KCNH1: variants seen among roughly 807,000 people sequenced by gnomAD.
The protein encoded by KCNH1 is voltage-gated delayed rectifier potassium channel KCNH1.
KCNH1 carries 27 observed loss-of-function variants against 69.2 expected under a neutral mutation model. The observed-to-expected ratio is 0.39, with a 90% confidence interval of 0.29 to 0.54. KCNH1 has a LOEUF of 0.54. KCNH1 is among the 20% of genes least tolerant of loss of function. The pLI is 0.68. For synonymous variants in KCNH1, 456 were observed against 487.7 expected, an observed-to-expected ratio of 0.93 and a Z score of 0.86; for missense variants, 798 against 1,261.6, an observed-to-expected ratio of 0.63 and a Z score of 5.57.
At chr1:210,870,010 A>C (rs552026896) in intron 7 of KCNH1, among the ~76,000 whole-genome samples, 1 of 152,234 alleles carries the variant, frequency 6.6e-6, no homozygotes, top group South Asian at 2.1e-4. Flanking sequence ...TTGTCTTCTC[A>C]ACTCTGTGAT....
At chr1:211,023,250 A>G (rs903841035) in intron 5 of KCNH1, among the ~76,000 whole-genome samples, 1 of 151,874 alleles carries the variant, frequency 6.6e-6, no homozygotes, top group African/African-American at 2.4e-5. Flanking sequence ...TATGCAAAAC[A>G]TATTGAGTTT....
chr1:210,866,845 A>G (rs545286661), intron 7 of KCNH1, among the ~76,000 whole-genome samples: 13 of 152,236 alleles, frequency 8.5e-5, no homozygotes, highest in Non-Finnish European at 1.9e-4. Context: ...AATGGCCAAA[A>G]ATGTGAAAAC....
intron 6 of KCNH1, among the ~76,000 whole-genome samples, chr1:210,964,208 A>G (rs879330089): frequency 1.3e-5 from 2 of 152,188 alleles, no homozygotes; most frequent in African/African-American, 4.8e-5. Context: ...AGGAAGGAGG[A>G]ATAAAATCCT....
rs2149001148 is a variant in KCNH1, at chr1:210,683,971, G to A, written c.2280C>T (p.Asp760=). The change falls in exon 11 of 11, where the codon GAC becomes GAT. Residue 760 remains aspartate (D), a synonymous_variant. Coordinates refer to ENST00000271751, the MANE Select transcript of KCNH1 (RefSeq NM_172362.3). This position sits in a 1 kb window ranked among gnomAD's most constrained non-coding sequence, Gnocchi z 5.7. ...ARLAAERGGR[D]LDDLDVEKGN... ...CCTTCTCCACATCTAGGTCATCCAGGTCCCGGCCCCCTCTCTCAGCTGCCA... is the reference window on the plus strand; with the variant it reads ...CCTTCTCCACATCTAGGTCATCCAGATCCCGGCCCCCTCTCTCAGCTGCCA... The A allele has an allele frequency of 1.2e-6, 2 of 1,601,340 alleles. No individual in the cohort carries two copies. Among genetic ancestry groups the A allele is most frequent in the Non-Finnish European group, 1.7e-6 (2 of 1,170,174 alleles).
intron 8 of KCNH1, 34 bp from the exon 9 acceptor site, chr1:210,797,794 C>T: frequency 6.3e-7 from 1 of 1,591,408 alleles, no homozygotes; most frequent in Non-Finnish European, 8.6e-7. Context: ...GTGTGAGGGT[C>T]CTCACTGTGG....
intron 1 of KCNH1, among the ~76,000 whole-genome samples, chr1:211,127,527 A>T (rs1372873176): frequency 6.6e-6 from 1 of 152,018 alleles, no homozygotes; most frequent in Non-Finnish European, 1.5e-5. Flanking sequence ...TGTGTGAGGG[A>T]GCTCCTCAGA....
chr1:210,919,531 T>C lies in KCNH1; in HGVS notation c.1462+109A>G. ...GTAAGCCTAGTCTTAAAAAAACTCT[T>C]CCTTGTTTTAAGTTATTATTCTCCT... On this transcript the variant is annotated intron_variant, in intron 7 of 10. Transcript: ENST00000271751. The surrounding 1 kb of genome is among the most constrained non-coding windows in gnomAD (Gnocchi z 4.2). The C allele has an allele frequency of 9.2e-7, 1 of 1,082,104 alleles. No individual in the cohort carries two copies. The highest frequency in any genetic ancestry group is 1.4e-6 in the Non-Finnish European group (1 of 740,540). 67.0% of individuals were successfully genotyped at this position (1,082,104 alleles called of 1,614,324 possible). A position where few individuals can be genotyped will look rare whatever the true frequency, so the allele number is the denominator to read the frequency against.
intron 6 of KCNH1, among the ~76,000 whole-genome samples, chr1:210,961,131 C>G (rs1193973692): frequency 1.3e-5 from 2 of 152,108 alleles, no homozygotes; most frequent in African/African-American, 4.8e-5. Context: ...TTCATATCTG[C>G]TTTGATGAAA....
intron 5 of KCNH1, among the ~76,000 whole-genome samples, chr1:211,065,009 A>G (rs1042881615): frequency 6.6e-6 from 1 of 152,226 alleles, no homozygotes; most frequent in Non-Finnish European, 1.5e-5. Context: ...ACGTGGAGAA[A>G]ATGAAGCCTT....
At chr1:210,813,667 A>G (rs10465689) in intron 7 of KCNH1, among the ~76,000 whole-genome samples, 21,530 of 152,240 alleles carry the variant, frequency 0.14, 1,535 homozygotes, top group Non-Finnish European at 0.15. Context: ...CTGGCAACTA[A>G]CTTTTAAATT....
intron 7 of KCNH1, chr1:210,862,208 G>A (rs1208003760): frequency 1.6e-5 from 19 of 1,212,842 alleles, no homozygotes; most frequent in Admixed American, 5.1e-5. Context: ...GCTTCATTGA[G>A]CTGGCGCTCC....
At chr1:210,761,327 GACTAGTCAACTAGTTGTTGGCA>G (rs893275556) in intron 10 of KCNH1, among the ~76,000 whole-genome samples, 1 of 146,052 alleles carries the variant, frequency 6.8e-6, no homozygotes. Context: ...ACAGAATTGA[GACTAGTCAACTAGTTGTTGGCA>G]ACTAGCCAAC....
At chr1:211,065,645 C>T (rs1368324490) in intron 5 of KCNH1, among the ~76,000 whole-genome samples, 1 of 152,126 alleles carries the variant, frequency 6.6e-6, no homozygotes, top group African/African-American at 2.4e-5. Flanking sequence ...TCTCCCCACA[C>T]ACAAAAATAT....
At chr1:210,787,674 A>G (rs193154836) in intron 9 of KCNH1, among the ~76,000 whole-genome samples, 195 of 152,318 alleles carry the variant, frequency 1.3e-3, no homozygotes, top group African/African-American at 4.5e-3. Flanking sequence ...GGCAGCTACA[A>G]TGTCGGCCTC....
At chr1:210,821,800 A>C in intron 7 of KCNH1, among the ~76,000 whole-genome samples, 1 of 145,334 alleles carries the variant, frequency 6.9e-6, no homozygotes. Context: ...GATTAACTCC[A>C]GCTATTTATT....
intron 9 of KCNH1, among the ~76,000 whole-genome samples, chr1:210,784,228 G>A (rs1047977120): frequency 1.3e-5 from 2 of 152,248 alleles, no homozygotes; most frequent in Non-Finnish European, 2.9e-5. Flanking sequence ...TGGGAGAAGA[G>A]TAGGTAAACA....
chr1:210,719,524 A>G lies in KCNH1; in HGVS notation c.2113-35386T>C, dbSNP rs113811381. Among the ~76,000 whole-genome samples, 897 of 152,294 alleles carry G rather than the reference A, an allele frequency of 5.9e-3. 3 individuals are homozygous for G. Among genetic ancestry groups the G allele is most frequent in the Non-Finnish European group, 0.01 (682 of 68,022 alleles). On this transcript the variant is annotated intron_variant, in intron 10 of 10. Coordinates refer to ENST00000271751, the MANE Select transcript of KCNH1 (RefSeq NM_172362.3). ...AACGTATGGACACAGGGAGGGTAGC[A>G]TCACACACCAGGGCCTGTTGGGGAG... is the stretch of plus-strand genomic sequence containing the variant.
intron 5 of KCNH1, among the ~76,000 whole-genome samples, chr1:211,080,094 T>C (rs1232051880): frequency 1.3e-5 from 2 of 152,192 alleles, no homozygotes; most frequent in Non-Finnish European, 2.9e-5. Context: ...AAAATCTCCT[T>C]AAGCTGATAA....
intron 6 of KCNH1, among the ~76,000 whole-genome samples, chr1:210,978,041 ATT>A (rs374205340): frequency 1.2e-4 from 16 of 137,620 alleles, no homozygotes; most frequent in Admixed American, 2.2e-4. Context: ...CTCTCCTTTA[ATT>A]TTTTTTTTTT....
Sources: allele counts gnomAD v4.1 joint callset (sites outside exome capture counted in the v4.1 genomes callset), GRCh38; gene constraint gnomAD v4.1.1; non-coding constraint Gnocchi (gnomAD v3.1); transcripts MANE v1.5; gene names NCBI Gene and HGNC (gene_info 2026-07-23, HGNC 2026-07-21).